Variants in APP observed in about 807,000 individuals in gnomAD.
APP encodes amyloid beta precursor protein.
A neutral mutation model predicts 101.4 loss-of-function variants in APP; 31 were observed. That is an observed-to-expected ratio of 0.31 (90% CI 0.23 to 0.41). The LOEUF is 0.41. APP is among the 10% of genes least tolerant of loss of function. The pLI is 1.00. For synonymous variants in APP, 366 were observed against 364.4 expected (o/e 1.00, Z -0.05); for missense variants, 839 against 1,003.7 (o/e 0.84, Z 2.22).
At chr21:26,048,500 G>T (rs1443740443) in intron 5 of APP, among the ~76,000 whole-genome samples, 1 of 152,144 alleles carries the variant, frequency 6.6e-6, no homozygotes, top group Non-Finnish European at 1.5e-5. Context: ...GTCCTGGGCA[G>T]TGGGCTGGAT....
intron 1 of APP, among the ~76,000 whole-genome samples, chr21:26,134,953 G>T (rs2062865163): frequency 1.3e-5 from 2 of 152,098 alleles, no homozygotes; most frequent in Non-Finnish European, 2.9e-5. Context: ...AATATCCAAG[G>T]TATCCACATA....
chr21:25,918,101 G>A (rs905105743), intron 13 of APP, among the ~76,000 whole-genome samples: 8 of 152,170 alleles, frequency 5.3e-5, no homozygotes, highest in Admixed American at 1.3e-4. Context: ...TAGTTCAACC[G>A]TTGTGGAAGA....
At chr21:26,102,084 T>G (rs1374066807) in intron 2 of APP, among the ~76,000 whole-genome samples, 1 of 68,148 alleles carries the variant, frequency 1.5e-5, no homozygotes, top group Non-Finnish European at 3.0e-5. Flanking sequence ...ACTATGTGGT[T>G]TTTTTTTTTT....
chr21:25,911,638 A>T, intron 14 of APP, 103 bp downstream of exon 14: 1 of 1,053,474 alleles, frequency 9.5e-7, no homozygotes, highest in Non-Finnish European at 1.4e-6. Flanking sequence ...AAAAAAATTC[A>T]CCACTCAAGA....
intron 11 of APP, among the ~76,000 whole-genome samples, chr21:25,970,000 CAG>C (rs1373156935): frequency 7.0e-5 from 8 of 114,268 alleles, no homozygotes; most frequent in Non-Finnish European, 1.2e-4. Context: ...GAAAGAGAAA[CAG>C]AGAAAGAGAG....
At chr21:26,131,137 G>C (rs1419085909) in intron 1 of APP, among the ~76,000 whole-genome samples, 1 of 152,130 alleles carries the variant, frequency 6.6e-6, no homozygotes, top group African/African-American at 2.4e-5. Context: ...GCTGAGGCAG[G>C]AGAATCGCTT....
intron 7 of APP, among the ~76,000 whole-genome samples, chr21:25,999,570 T>C (rs1364473263): frequency 6.6e-6 from 1 of 152,228 alleles, no homozygotes; most frequent in Non-Finnish European, 1.5e-5. Flanking sequence ...ACCTTATCAA[T>C]GCAACTCAAG....
At chr21:25,969,922 A>AAAAGGAAAGGAAAGGAAAGGAAAGG (rs369276904) in intron 11 of APP, among the ~76,000 whole-genome samples, 55 of 135,972 alleles carry the variant, frequency 4.0e-4, no homozygotes, top group African/African-American at 1.4e-3. Flanking sequence ...AGGGGAAGAG[A>AAAAGGAAAGGAAAGGAAAGGAAAGG]AAAGGAAAGG....
At chr21:26,033,367 CCTT>C (rs2044932089) in intron 5 of APP, among the ~76,000 whole-genome samples, 2 of 152,202 alleles carry the variant, frequency 1.3e-5, no homozygotes, top group Middle Eastern at 3.2e-3. Flanking sequence ...GTTTGCTTCC[CCTT>C]CTGCCATGAT....
intron 13 of APP, among the ~76,000 whole-genome samples, chr21:25,915,229 CTT>C (rs1383962237): frequency 1.3e-5 from 2 of 152,226 alleles, no homozygotes; most frequent in East Asian, 3.9e-4. Flanking sequence ...CATTCTGACA[CTT>C]TTGTTTTCTA....
intron 1 of APP, among the ~76,000 whole-genome samples, chr21:26,124,929 A>T (rs1466060148): frequency 6.6e-6 from 1 of 152,258 alleles, no homozygotes; most frequent in Non-Finnish European, 1.5e-5. Flanking sequence ...TGATGGACAG[A>T]TAATCCAATG....
chr21:26,170,335 A>G (rs2146414798), intron 1 of APP, among the ~76,000 whole-genome samples: 1 of 152,142 alleles, frequency 6.6e-6, no homozygotes, highest in South Asian at 2.1e-4. Context: ...GGAACCAGGG[A>G]GACCAGCGCC....
chr21:25,951,190 G>A (rs170066), intron 13 of APP, among the ~76,000 whole-genome samples: 32,863 of 152,108 alleles, frequency 0.22, 7,395 homozygotes, highest in African/African-American at 0.57. Context: ...TCTGGTCACA[G>A]TTTACTGCTC....
chr21:26,096,333 C>G (rs1436953195), intron 2 of APP, among the ~76,000 whole-genome samples: 1 of 152,186 alleles, frequency 6.6e-6, no homozygotes, highest in Non-Finnish European at 1.5e-5. Flanking sequence ...ATAGCCTCCC[C>G]GTGGAGCCCC....
intron 8 of APP, among the ~76,000 whole-genome samples, chr21:25,987,833 T>A (rs541399112): frequency 6.6e-6 from 1 of 152,260 alleles, no homozygotes; most frequent in African/African-American, 2.4e-5. Flanking sequence ...GCCCTTATTA[T>A]ATGTGAGGCA....
chr21:26,147,043 C>A (rs952350223), intron 1 of APP, among the ~76,000 whole-genome samples: 11 of 152,192 alleles, frequency 7.2e-5, no homozygotes, highest in African/African-American at 2.7e-4. Flanking sequence ...TTCCAGTTTG[C>A]CCCATTGACC....
chr21:26,018,170 G>A (rs1471322236), intron 6 of APP, among the ~76,000 whole-genome samples: 2 of 152,114 alleles, frequency 1.3e-5, no homozygotes, highest in Non-Finnish European at 1.5e-5. Flanking sequence ...CGGTTTTAAC[G>A]GGTTATGAAA....
chr21:25,912,971 CAAT>C (rs1174077796), intron 13 of APP, among the ~76,000 whole-genome samples: 2 of 152,132 alleles, frequency 1.3e-5, no homozygotes, highest in South Asian at 2.1e-4. Context: ...GCACTATTAA[CAAT>C]AATATTTGAT....
Position 25,904,948 on chromosome 21 carries a change from A to C in APP, c.1963+76T>G, listed in dbSNP as rs2038710559. The C allele has an allele frequency of 4.6e-6, 6 of 1,305,218 alleles. No individual in the cohort carries two copies. The South Asian group carries it at 7.4e-5, about 16-fold the overall frequency. The allele number at this position is 1,305,218 out of a possible 1,614,324, so 80.9% of individuals were successfully genotyped here. On this transcript the variant is annotated intron_variant, in intron 15 of 17. Transcript: ENST00000346798. ...GTAAGTACAATTGAGAGAGGCTTAA[A>C]ATGCAGAAAGGAGACAACGTCTGCT...
Sources: gnomAD v4.1 joint callset for allele counts (sites outside exome capture counted in the v4.1 genomes callset) on GRCh38, gnomAD v4.1.1 for gene constraint, MANE v1.5 for transcripts, NCBI Gene and HGNC (gene_info 2026-07-23, HGNC 2026-07-21) for gene names.